Variants in SEPTIN5 observed in about 807,000 individuals in gnomAD.
The protein encoded by SEPTIN5 is septin-5.
SEPTIN5 carries 16 observed loss-of-function variants against 51.2 expected under a neutral mutation model. That is an observed-to-expected ratio of 0.31 (90% confidence interval 0.21 to 0.47). The LOEUF is 0.47. SEPTIN5 is among the 20% of genes least tolerant of loss of function. The probability of loss-of-function intolerance (pLI) is 0.99; values close to 1 mark genes in which losing one functional copy is unlikely to be tolerated. For missense variants in SEPTIN5, 376 were observed against 500.3 expected (o/e 0.75, Z 2.37); for synonymous variants, 208 against 191.2 (o/e 1.09, Z -0.72).
intron 7 of SEPTIN5, 34 bp downstream of exon 7, chr22:19,720,700 G>A (rs1482506304): frequency 6.2e-7 from 1 of 1,609,852 alleles, no homozygotes. Flanking sequence ...CCTGGCCAGG[G>A]CCCTGGGGCT....
In SEPTIN5 at chr22:19,723,248, G is replaced by A. The variant is rs1479410116; in HGVS notation, c.*764G>A. ...CCCGCATGATCCCTTCCCGCCACAC[G>A]ATGCTCCGTTTTCTTCCGTTGTGAA... On this transcript the variant is annotated 3_prime_UTR_variant, in exon 12 of 12. Coordinates refer to ENST00000455784, the MANE Select transcript of SEPTIN5 (RefSeq NM_002688.6). The A allele has an allele frequency of 1.6e-5, 11 of 667,630 alleles. No individual in the cohort carries two copies. Among genetic ancestry groups the A allele is most frequent in the Middle Eastern group, 4.7e-4 (2 of 4,236 alleles). 41.4% of individuals were successfully genotyped at this position (667,630 alleles called of 1,614,324 possible).
At position 19,718,586 on chromosome 22, in the gene SEPTIN5, C is replaced by A. The variant is rs767176677; in HGVS notation, c.55-1016C>A. The A allele has an allele frequency of 5.4e-6, 7 of 1,290,736 alleles. No individual in the cohort carries two copies. In the African/African-American group the frequency reaches 1.1e-4, roughly 19 times the overall value. The allele number at this position is 1,290,736 out of a possible 1,614,324, so 80.0% of individuals were successfully genotyped here. On this transcript the variant is annotated intron_variant, in intron 2 of 11. Transcript: ENST00000455784. ...CGATCCCCCGGGTAGGCGACGTGCC[C>A]TGTCCAGGCCTCACTTCCCGCGTCC...
intron 2 of SEPTIN5, chr22:19,719,149 C>T (rs926681272): frequency 2.5e-5 from 6 of 238,638 alleles, no homozygotes; most frequent in African/African-American, 1.1e-4. Flanking sequence ...CCGCCGCTGC[C>T]GCCGCCCCCG....
In SEPTIN5 at chr22:19,719,891, G is replaced by C. The variant is rs757074444; in HGVS notation, c.237G>C (p.Glu79Asp). The C allele has an allele frequency of 1.5e-5, 24 of 1,612,546 alleles. No homozygotes were observed. In the South Asian group the frequency reaches 2.5e-4, roughly 17 times the overall value. ...LYKDRKLLSA[E>D]ERISQTVEIL... ...AGGACCGGAAGCTGCTCAGTGCTGA[G>C]GGTGAGTGGCCCCCAGGAGGCCCTG... The change falls in exon 4 of 12, where the codon GAG becomes GAC. Residue 79 changes from glutamate to aspartate, a missense_variant and splice_region_variant. Glu to Asp is a conservative substitution (Grantham distance 45). Transcript: ENST00000455784.
Position 19,720,377 on chromosome 22 carries a change from G to A in SEPTIN5, c.420G>A (p.Glu140=). 1.2e-6 allele frequency: 2 copies of A among 1,614,024 alleles called. No individual in the cohort carries two copies. Among genetic ancestry groups the A allele is most frequent in the Non-Finnish European group, 1.7e-6 (2 of 1,180,026 alleles). Residue 140 remains glutamate (E), a synonymous_variant, in exon 6 of 12, where the codon GAG becomes GAA. Coordinates refer to ENST00000455784, the MANE Select transcript of SEPTIN5 (RefSeq NM_002688.6). ...AGTTTGAGCAGTACTTCCGTGATGA[G>A]AGCGGCCTCAACCGAAAGAACATCC... is the stretch of plus-strand genomic sequence containing the variant. ...DQQFEQYFRD[E]SGLNRKNIQD...
intron 2 of SEPTIN5, chr22:19,717,763 C>T (rs1935935237): frequency 3.9e-6 from 1 of 257,414 alleles, no homozygotes; most frequent in African/African-American, 2.3e-5. Flanking sequence ...GGAAAGAGTC[C>T]ACCAAACACA....
intron 2 of SEPTIN5, chr22:19,718,673 G>C (rs762831648): frequency 3.1e-6 from 4 of 1,284,486 alleles, no homozygotes; most frequent in African/African-American, 3.0e-5. Flanking sequence ...CGCTGTCGCC[G>C]GGCTCTGGCG....
rs532527444 is a variant in SEPTIN5, at chr22:19,717,922, G to A, written c.55-1680G>A. ...CCCGCACGGACGCGCACACACAAACGCGCGCACGCACGCACGCACGCACGG... is the reference window on the plus strand; with the variant it reads ...CCCGCACGGACGCGCACACACAAACACGCGCACGCACGCACGCACGCACGG... On this transcript the variant is annotated intron_variant, in intron 2 of 11. Transcript: ENST00000455784. The A allele has an allele frequency of 3.2e-3, 500 of 155,736 alleles. 1 individual carries two copies. The highest frequency in any genetic ancestry group is 0.017 in the South Asian group (96 of 5,752). The allele number at this position is 155,736 out of a possible 1,614,324, so 9.6% of individuals were successfully genotyped here.
At chr22:19,717,353 C>A in intron 2 of SEPTIN5, 2 of 470,420 alleles carry the variant, frequency 4.3e-6, no homozygotes, top group Non-Finnish European at 8.8e-6. Context: ...GAGCGGAGCT[C>A]GGGAGACCCC....
At position 19,722,411 on chromosome 22, in the gene SEPTIN5, G is replaced by C. The variant is rs1262300426; in HGVS notation, c.1054-17G>C. The C allele has an allele frequency of 1.9e-5, 31 of 1,597,982 alleles. No individual in the cohort carries two copies. In the East Asian group the frequency reaches 7.1e-4, roughly 36 times the overall value. On this transcript the variant is annotated splice_polypyrimidine_tract_variant and intron_variant, in intron 11 of 11. Coordinates refer to ENST00000455784, the MANE Select transcript of SEPTIN5 (RefSeq NM_002688.6). ...CTCCGCGGTGCTGCTCACCCGCCGG[G>C]TTGTCTCCGCCCGCAGCTGAGGCGC...
At chr22:19,718,284 C>G in intron 2 of SEPTIN5, 1 of 549,030 alleles carries the variant, frequency 1.8e-6, no homozygotes, top group Non-Finnish European at 2.3e-6. Flanking sequence ...GGCTCCCGGT[C>G]CACGCGAGCC....
At position 19,721,647 on chromosome 22, in the gene SEPTIN5, C is replaced by T. The variant is rs1711650616; in HGVS notation, c.725C>T (p.Ala242Val). The change falls in exon 9 of 12, where the codon GCG (alanine) becomes GTG (valine). Residue 242 changes from alanine (A) to valine (V), a missense_variant. Around this residue, in one of 2 missense-constraint regions of SEPTIN5, gnomAD observed 287 missense variants for 417.1 expected, o/e 0.69. Transcript: ENST00000455784. ...KQQDRELKESAPFAVIGSNTV... is the reference protein window; with the variant it reads ...KQQDRELKESVPFAVIGSNTV... ...TCTCCCTCCTTCCCCCAGGAGAGCG[C>T]GCCCTTCGCCGTTATAGGCAGCAAC... is the stretch of plus-strand genomic sequence containing the variant. 6.2e-7 allele frequency: 1 copy of T among 1,612,790 alleles called. No homozygotes were observed. The highest frequency in any genetic ancestry group is 8.5e-7 in the Non-Finnish European group (1 of 1,179,766).
In SEPTIN5 at chr22:19,722,556, G is replaced by C; in HGVS notation, c.*72G>C. Reference sequence around the variant, plus strand: ...CTGGACACCAGACCGGACTGTTCCCGACCCGGAGACGCGGGGCCACAGCCC... The same window carrying C: ...CTGGACACCAGACCGGACTGTTCCCCACCCGGAGACGCGGGGCCACAGCCC... On this transcript the variant is annotated 3_prime_UTR_variant, in exon 12 of 12. Coordinates refer to ENST00000455784, the MANE Select transcript of SEPTIN5 (RefSeq NM_002688.6). The C allele has an allele frequency of 6.7e-7, 1 of 1,489,698 alleles. No individual in the cohort carries two copies. Among genetic ancestry groups the C allele is most frequent in the South Asian group, 1.2e-5 (1 of 82,786 alleles). 92.3% of individuals were successfully genotyped at this position (1,489,698 alleles called of 1,614,324 possible). A position where few individuals can be genotyped will look rare whatever the true frequency, so the allele number is the denominator to read the frequency against.
Position 19,714,700 on chromosome 22 carries a change from GTC to G in SEPTIN5, c.43+74_43+75del. The stretch of plus-strand genomic sequence containing the variant: ...CCGCCGCCCGCGCGCCTCTCACCGT[GTC>G]TCTCCGTCTCTCCCCCGCCCGCCGG... On this transcript the variant is annotated intron_variant, in intron 1 of 11. Coordinates refer to ENST00000455784, the MANE Select transcript of SEPTIN5 (RefSeq NM_002688.6). The surrounding 1 kb of genome is among the most constrained non-coding windows in gnomAD (Gnocchi z 5.2). 6.5e-7 allele frequency: 1 copy of G among 1,532,136 alleles called. No homozygotes were observed. Among genetic ancestry groups the G allele is most frequent in the South Asian group, 1.2e-5 (1 of 83,728 alleles). The allele number at this position is 1,532,136 out of a possible 1,614,324, so 94.9% of individuals were successfully genotyped here. A position where few individuals can be genotyped will look rare whatever the true frequency, so the allele number is the denominator to read the frequency against.
rs1470072805 is a variant in SEPTIN5 at position 19,720,151 on chromosome 22, C to T, written c.275C>T (p.Thr92Met). Reference sequence around the variant, plus strand: ...CAGACGGTAGAGATTCTAAAACACACGGTGGACATTGAGGAGAAGGGAGTC... The same window carrying T: ...CAGACGGTAGAGATTCTAAAACACATGGTGGACATTGAGGAGAAGGGAGTC... ...ISQTVEILKH[T>M]VDIEEKGVKL... The change falls in exon 5 of 12, where the codon ACG (threonine) becomes ATG (methionine). Residue 92 changes from threonine (T) to methionine (M), a missense_variant. By Grantham distance (81) the Thr-to-Met change is moderately conservative. This residue lies in a region of SEPTIN5 where 287 missense variants were observed against 417.1 expected (regional missense o/e 0.69). Coordinates refer to ENST00000455784, the MANE Select transcript of SEPTIN5 (RefSeq NM_002688.6). 12 of 1,613,236 alleles carry T rather than the reference C, an allele frequency of 7.4e-6. No individual in the cohort carries two copies. The highest frequency in any genetic ancestry group is 4.5e-5 in the East Asian group (2 of 44,898).
intron 4 of SEPTIN5, 52 bp downstream of exon 4, chr22:19,719,944 G>C: frequency 6.2e-7 from 1 of 1,605,662 alleles, no homozygotes; most frequent in Non-Finnish European, 8.5e-7. Context: ...CCTTCCATGG[G>C]ACCTCTCCAA....
chr22:19,720,923 C>A, intron 8 of SEPTIN5, 54 bp downstream of exon 8: 1 of 1,492,668 alleles, frequency 6.7e-7, no homozygotes, highest in Non-Finnish European at 9.3e-7. Context: ...GGGGCAGAAC[C>A]AGAGGGCTTT....
Position 19,719,868 on chromosome 22 carries a change from G to A in SEPTIN5, c.214G>A (p.Asp72Asn). The change falls in exon 4 of 12, where the codon GAC becomes AAC. Residue 72 changes from aspartate (D) to asparagine (N), a missense_variant. Physicochemically the swap from Asp to Asn is conservative, Grantham distance 23. Transcript: ENST00000455784. ...HSLFLTDLYKDRKLLSAEERI... is the reference protein window; with the variant it reads ...HSLFLTDLYKNRKLLSAEERI... ...CCTCTTCCTGACAGACTTGTACAAGGACCGGAAGCTGCTCAGTGCTGAGGG... is the reference window on the plus strand; with the variant it reads ...CCTCTTCCTGACAGACTTGTACAAGAACCGGAAGCTGCTCAGTGCTGAGGG... 1 of 1,613,006 alleles carries A rather than the reference G, an allele frequency of 6.2e-7. No individual in the cohort carries two copies. The highest frequency in any genetic ancestry group is 8.5e-7 in the Non-Finnish European group (1 of 1,179,928).
At chr22:19,721,795 A>T (rs764152333) in intron 9 of SEPTIN5, 27 bp from the exon 10 acceptor site, 1 of 1,521,196 alleles carries the variant, frequency 6.6e-7, no homozygotes, top group Non-Finnish European at 8.9e-7. Flanking sequence ...GGCCGGCGCC[A>T]GCCCACTACC....
Sources: allele counts gnomAD v4.1 joint callset, GRCh38; gene constraint gnomAD v4.1.1; regional missense constraint gnomAD v4.1.1; non-coding constraint Gnocchi (gnomAD v3.1); transcripts MANE v1.5; gene names NCBI Gene and HGNC (gene_info 2026-07-23, HGNC 2026-07-21).